Variants in PRIM2 observed in about 807,000 individuals in gnomAD.
PRIM2 encodes DNA primase large subunit.
A neutral mutation model predicts 67.3 loss-of-function variants in PRIM2; 39 were observed. The observed-to-expected ratio is 0.58, with a 90% CI of 0.45 to 0.76. PRIM2 has a LOEUF of 0.76. PRIM2 is among the 30% of genes least tolerant of loss of function. PRIM2 has a pLI of 0.00. For synonymous variants in PRIM2, 143 were observed against 198.7 expected (o/e 0.72, Z 2.36); for missense variants, 398 against 598.7 (o/e 0.66, Z 3.50).
chr6:57,237,969 C>G, the PRIM2 span, among the ~76,000 whole-genome samples: 1 of 152,038 alleles, frequency 6.6e-6, no homozygotes, highest in East Asian at 1.9e-4. Flanking sequence ...ACAAAGAAGG[C>G]CATTACATAA....
chr6:57,269,755 C>T, the PRIM2 span, among the ~76,000 whole-genome samples: 23 of 152,138 alleles, frequency 1.5e-4, no homozygotes, highest in Admixed American at 3.9e-4. Flanking sequence ...AGGGTTTTTA[C>T]GGTTTTAGGT....
At chr6:57,271,579 C>T in the PRIM2 span, among the ~76,000 whole-genome samples, 1 of 152,154 alleles carries the variant, frequency 6.6e-6, no homozygotes, top group African/African-American at 2.4e-5. Flanking sequence ...AAAAAACCAG[C>T]TCCTGGATTC....
At chr6:57,410,379 C>T (rs1296008649) in intron 7 of PRIM2, among the ~76,000 whole-genome samples, 10 of 147,306 alleles carry the variant, frequency 6.8e-5, no homozygotes, top group Non-Finnish European at 1.2e-4. Context: ...AAAGACTTTT[C>T]TTTTTCATTG....
intron 8 of PRIM2, among the ~76,000 whole-genome samples, chr6:57,522,790 G>A (rs1684792719): frequency 6.6e-6 from 1 of 152,168 alleles, no homozygotes; most frequent in Non-Finnish European, 1.5e-5. Context: ...CATTTCAAGT[G>A]CTCAATGGTC....
chr6:57,270,325 TCTC>T, the PRIM2 span, among the ~76,000 whole-genome samples: 1 of 152,160 alleles, frequency 6.6e-6, no homozygotes, highest in African/African-American at 2.4e-5. Flanking sequence ...GGTTTGTAGT[TCTC>T]CTTGAAGAGG....
At chr6:57,367,480 T>C (rs1769397428) in intron 5 of PRIM2, among the ~76,000 whole-genome samples, 1 of 152,210 alleles carries the variant, frequency 6.6e-6, no homozygotes, top group African/African-American at 2.4e-5. Flanking sequence ...CCTCCAAACC[T>C]AAAACAACAA....
intron 10 of PRIM2, among the ~76,000 whole-genome samples, chr6:57,571,044 T>C (rs1387886562): frequency 4.6e-4 from 70 of 152,280 alleles, no homozygotes; most frequent in African/African-American, 1.7e-3. Context: ...TAAAGAATGC[T>C]GTGTTCCTCT....
At chr6:57,645,540 C>T (rs1777320830) in intron 13 of PRIM2, among the ~76,000 whole-genome samples, 1 of 150,052 alleles carries the variant, frequency 6.7e-6, no homozygotes, top group Non-Finnish European at 1.5e-5. Context: ...GTCTAGTATG[C>T]CCCAAGGATG....
chr6:57,281,767 G>A, the PRIM2 span, among the ~76,000 whole-genome samples: 1 of 152,070 alleles, frequency 6.6e-6, no homozygotes, highest in African/African-American at 2.4e-5. Flanking sequence ...CAGCTGGTGT[G>A]TACTAATTCC....
At chr6:57,637,038 G>A (rs1404519975) in intron 13 of PRIM2, among the ~76,000 whole-genome samples, 1 of 152,162 alleles carries the variant, frequency 6.6e-6, no homozygotes, top group African/African-American at 2.4e-5. Flanking sequence ...GCCCCTCTGG[G>A]ACGAAGCTTC....
At chr6:57,242,889 AAAG>A in the PRIM2 span, among the ~76,000 whole-genome samples, 1 of 152,236 alleles carries the variant, frequency 6.6e-6, no homozygotes, top group South Asian at 2.1e-4. Flanking sequence ...TTTTCATGGA[AAAG>A]AAGAATTTTC....
At chr6:57,295,788 C>G in the PRIM2 span, among the ~76,000 whole-genome samples, 1 of 152,186 alleles carries the variant, frequency 6.6e-6, no homozygotes, top group Non-Finnish European at 1.5e-5. Flanking sequence ...GTGTCATCTT[C>G]TTCCTACAAA....
chr6:57,421,326 A>T (rs1345932106), intron 7 of PRIM2, among the ~76,000 whole-genome samples: 1 of 152,202 alleles, frequency 6.6e-6, no homozygotes, highest in Non-Finnish European at 1.5e-5. Flanking sequence ...TTGAAACCAG[A>T]GACACAACCC....
intron 7 of PRIM2, among the ~76,000 whole-genome samples, chr6:57,412,368 C>T (rs4304163): frequency 3.3e-5 from 5 of 152,082 alleles, no homozygotes; most frequent in Non-Finnish European, 5.9e-5. Flanking sequence ...ACCCTGTTAG[C>T]AATTTTCTAC....
the PRIM2 span, among the ~76,000 whole-genome samples, chr6:57,300,442 C>CGT: frequency 6.6e-6 from 1 of 151,830 alleles, no homozygotes; most frequent in South Asian, 2.1e-4. Context: ...TGTATGAGCT[C>CGT]GTGTGTGTGT....
chr6:57,491,019 A>C (rs1278985013), intron 7 of PRIM2, among the ~76,000 whole-genome samples: 6 of 152,360 alleles, frequency 3.9e-5, no homozygotes, highest in Non-Finnish European at 7.3e-5. Context: ...GGAGAGAAAA[A>C]TATTCAAATA....
chr6:57,635,831 C>T (rs1384940111), intron 13 of PRIM2, among the ~76,000 whole-genome samples: 4 of 152,180 alleles, frequency 2.6e-5, no homozygotes, highest in African/African-American at 4.8e-5. Flanking sequence ...TACACATGCC[C>T]CATTCCAATT....
At chr6:57,237,596 G>C in the PRIM2 span, among the ~76,000 whole-genome samples, 26 of 152,074 alleles carry the variant, frequency 1.7e-4, no homozygotes, top group African/African-American at 6.3e-4. Flanking sequence ...TTTTGTATAA[G>C]GTGTAAGGAA....
intron 5 of PRIM2, among the ~76,000 whole-genome samples, chr6:57,376,030 G>T (rs537323183): frequency 2.0e-4 from 30 of 152,132 alleles, no homozygotes; most frequent in Non-Finnish European, 3.7e-4. Flanking sequence ...AACATAGGGA[G>T]ATCCCATCTC....
Sources: gnomAD v4.1 joint callset for allele counts (sites outside exome capture counted in the v4.1 genomes callset) on GRCh38, gnomAD v4.1.1 for gene constraint, MANE v1.5 for transcripts, NCBI Gene and HGNC (gene_info 2026-07-23, HGNC 2026-07-21) for gene names.